The following CNTN4 variants were observed in gnomAD, a reference collection of about 807,000 sequenced individuals.
CNTN4 encodes the protein contactin-4.
In CNTN4, 77 loss-of-function variants were observed where a neutral mutation model predicts 122.5. The observed-to-expected ratio is 0.63, with a 90% confidence interval of 0.52 to 0.76. The LOEUF is 0.76. Among genes scored for constraint, CNTN4 ranks in the 30% least tolerant of loss-of-function variants. CNTN4 has a pLI of 0.00. For synonymous variants in CNTN4, 512 were observed against 447.0 expected (o/e 1.15, Z -1.83); for missense variants, 1,256 against 1,259.1 (o/e 1.00, Z 0.04).
chr3:2,911,317 T>A (rs569013145), intron 12 of CNTN4, among the ~76,000 whole-genome samples: 1 of 152,252 alleles, frequency 6.6e-6, no homozygotes, highest in African/African-American at 2.4e-5. Context: ...CAGTACCTGA[T>A]AAAGACACCA....
chr3:2,499,077 C>G (rs983620708), intron 3 of CNTN4, among the ~76,000 whole-genome samples: 11 of 152,218 alleles, frequency 7.2e-5, no homozygotes, highest in African/African-American at 2.4e-4. Context: ...GCGTAAGCCA[C>G]TACACCTGGC....
intron 4 of CNTN4, among the ~76,000 whole-genome samples, chr3:2,642,633 T>C (rs1157112194): frequency 6.6e-6 from 1 of 152,194 alleles, no homozygotes; most frequent in Non-Finnish European, 1.5e-5. Context: ...CTTGTGTATA[T>C]TGGTATTATA....
intron 3 of CNTN4, among the ~76,000 whole-genome samples, chr3:2,364,254 A>C (rs1181300603): frequency 6.6e-6 from 1 of 152,208 alleles, no homozygotes; most frequent in African/African-American, 2.4e-5. Context: ...AAATGGAAAT[A>C]ATATTTATCT....
chr3:3,006,678 G>A (rs774306930), intron 14 of CNTN4, among the ~76,000 whole-genome samples: 58 of 152,138 alleles, frequency 3.8e-4, no homozygotes, highest in Non-Finnish European at 5.7e-4. Flanking sequence ...AACAGAGGTC[G>A]TCAATGGGGC....
chr3:2,182,074 A>G (rs2037041503), intron 2 of CNTN4, among the ~76,000 whole-genome samples: 1 of 152,172 alleles, frequency 6.6e-6, no homozygotes. Flanking sequence ...GAATTTTATC[A>G]TAAATTACAA....
intron 4 of CNTN4, among the ~76,000 whole-genome samples, chr3:2,671,398 T>C (rs1223002488): frequency 1.3e-5 from 2 of 152,254 alleles, no homozygotes; most frequent in African/African-American, 4.8e-5. Flanking sequence ...CTGAAGCTTG[T>C]GCGTTCGTCA....
chr3:2,205,927 G>A (rs56149667), intron 2 of CNTN4, among the ~76,000 whole-genome samples: 40,730 of 151,940 alleles, frequency 0.27, 5,985 homozygotes, highest in African/African-American at 0.39. Context: ...TCATTTTGAG[G>A]AAATGCAAAA....
intron 5 of CNTN4, among the ~76,000 whole-genome samples, chr3:2,740,042 C>T (rs536581811): frequency 6.6e-6 from 1 of 151,850 alleles, no homozygotes; most frequent in South Asian, 2.1e-4. Flanking sequence ...TTTTTTTTCC[C>T]CCAAGTACCT....
chr3:2,879,097 A>G (rs67625447), intron 8 of CNTN4, among the ~76,000 whole-genome samples: 39,922 of 152,106 alleles, frequency 0.26, 5,351 homozygotes, highest in Middle Eastern at 0.35. Context: ...AAATAGAGTC[A>G]TTGTAGATGT....
At chr3:2,503,481 C>A (rs77295381) in intron 3 of CNTN4, among the ~76,000 whole-genome samples, 2 of 152,116 alleles carry the variant, frequency 1.3e-5, no homozygotes, top group African/African-American at 4.8e-5. Flanking sequence ...TCTTTAAGAG[C>A]TTTACATGAT....
chr3:2,866,621 G>C lies in CNTN4; in HGVS notation c.455-131G>C. 3 of 1,141,330 alleles carry C rather than the reference G, an allele frequency of 2.6e-6. 1 individual carries two copies. The highest frequency in any genetic ancestry group is 2.6e-5 in the South Asian group (2 of 75,536). The allele number at this position is 1,141,330 out of a possible 1,614,324, so 70.7% of individuals were successfully genotyped here. ...GGGGGACTGTGATTACTTCCTATCT[G>C]TATTTAGTGGGCTGAAAAAGAGTCA... On this transcript the variant is annotated intron_variant, in intron 7 of 24. Coordinates refer to ENST00000418658, the MANE Select transcript of CNTN4 (RefSeq NM_175607.3).
intron 2 of CNTN4, among the ~76,000 whole-genome samples, chr3:2,163,240 C>A (rs936454165): frequency 5.3e-5 from 8 of 152,122 alleles, no homozygotes; most frequent in African/African-American, 1.9e-4. Context: ...CATACAAAAG[C>A]ATAAAGTGAG....
intron 2 of CNTN4, among the ~76,000 whole-genome samples, chr3:2,103,917 C>A (rs1574828414): frequency 6.6e-6 from 1 of 152,074 alleles, no homozygotes. Context: ...CCAGTGGCTG[C>A]AGTGGAAATG....
rs185490831 is a variant in CNTN4, at chr3:2,275,066, A to T, written c.-144-64112A>T. 4.1e-3 allele frequency among the ~76,000 whole-genome samples: 621 copies of T among 152,322 alleles called. 2 individuals are homozygous for T. The highest frequency in any genetic ancestry group is 6.7e-3 in the Non-Finnish European group (459 of 68,010). On this transcript the variant is annotated intron_variant, in intron 2 of 24. Coordinates refer to ENST00000418658, the MANE Select transcript of CNTN4 (RefSeq NM_175607.3). ...ATAGAAAGATTAGAATGTACACCCT[A>T]GGGAGATTAAGGTAAGAGTAAGAGA...
intron 3 of CNTN4, among the ~76,000 whole-genome samples, chr3:2,446,451 C>G (rs928935863): frequency 3.9e-5 from 6 of 152,066 alleles, no homozygotes; most frequent in African/African-American, 1.2e-4. Context: ...TGTCACTGTC[C>G]CATTTAACTG....
chr3:2,121,611 G>A (rs548740878), intron 2 of CNTN4, among the ~76,000 whole-genome samples: 4 of 152,218 alleles, frequency 2.6e-5, no homozygotes, highest in South Asian at 4.1e-4. Flanking sequence ...TTTCACTGAA[G>A]AATATAAGCA....
intron 2 of CNTN4, among the ~76,000 whole-genome samples, chr3:2,287,696 AGAAGAAGAAGAAGAG>A (rs1559415824): frequency 0.014 from 966 of 67,926 alleles, 8 homozygotes; most frequent in East Asian, 0.02. Flanking sequence ...AAGAAGAGGA[AGAAGAAGAAGAAGAG>A]GAAGAAGAAG....
intron 3 of CNTN4, chr3:2,362,440 C>T (rs1575462960): frequency 7.6e-6 from 3 of 395,036 alleles, no homozygotes; most frequent in South Asian, 6.0e-5. Flanking sequence ...CCTGGACCAT[C>T]GCCTCCCAGC....
Position 2,913,600 on chromosome 3 carries a change from C to G in CNTN4, c.1207+10595C>G, listed in dbSNP as rs115164912. On this transcript the variant is annotated intron_variant, in intron 12 of 24. Coordinates refer to ENST00000418658, the MANE Select transcript of CNTN4 (RefSeq NM_175607.3). The stretch of plus-strand genomic sequence containing the variant: ...TTATATAATGATAAAAGGACTGATT[C>G]ATCACAAAGATGTAACTGTTAGAAA... Among the ~76,000 whole-genome samples the G allele has an allele frequency of 3.5e-3, 534 of 152,282 alleles. 2 individuals are homozygous for G. Among genetic ancestry groups the G allele is most frequent in the Non-Finnish European group, 5.9e-3 (403 of 68,022 alleles).
Sources: gnomAD v4.1 joint callset for allele counts (sites outside exome capture counted in the v4.1 genomes callset) on GRCh38, gnomAD v4.1.1 for gene constraint, MANE v1.5 for transcripts, NCBI Gene and HGNC (gene_info 2026-07-23, HGNC 2026-07-21) for gene names.